TMEM108: variants seen among roughly 807,000 people sequenced by gnomAD.
The protein encoded by TMEM108 is transmembrane protein 108.
TMEM108 carries 12 observed loss-of-function variants against 35.1 expected under a neutral mutation model. That is an observed-to-expected ratio of 0.34 (90% CI 0.22 to 0.55). The LOEUF (loss-of-function observed/expected upper bound fraction) is 0.55. Among genes scored for constraint, TMEM108 ranks in the 20% least tolerant of loss-of-function variants. TMEM108 has a pLI of 0.89. For synonymous variants in TMEM108, 287 were observed against 308.6 expected (o/e 0.93, Z 0.73); for missense variants, 680 against 753.3 (o/e 0.90, Z 1.14).
intron 3 of TMEM108, among the ~76,000 whole-genome samples, chr3:133,360,631 A>G (rs1163629820): frequency 3.9e-5 from 6 of 152,274 alleles, no homozygotes; most frequent in Admixed American, 3.9e-4. Flanking sequence ...GAAGGTTCCC[A>G]CTCACCATGA....
At chr3:133,368,365 G>A (rs1389868660) in intron 3 of TMEM108, among the ~76,000 whole-genome samples, 2 of 152,220 alleles carry the variant, frequency 1.3e-5, no homozygotes, top group Non-Finnish European at 2.9e-5. Flanking sequence ...ACTTGTCTCT[G>A]TAAAATCCAA....
intron 2 of TMEM108, among the ~76,000 whole-genome samples, chr3:133,062,984 A>T: frequency 6.6e-6 from 1 of 152,208 alleles, no homozygotes; most frequent in East Asian, 1.9e-4. Flanking sequence ...AAATTGGCTA[A>T]GGAGGTGAAT....
At chr3:133,158,736 T>G (rs918047498) in intron 2 of TMEM108, among the ~76,000 whole-genome samples, 2 of 152,176 alleles carry the variant, frequency 1.3e-5, no homozygotes, top group Non-Finnish European at 2.9e-5. Flanking sequence ...CCAGCAGTAC[T>G]TGGAGAACTC....
chr3:133,389,256 C>T (rs2073197500), intron 4 of TMEM108: 1 of 985,456 alleles, frequency 1.0e-6, no homozygotes, highest in Admixed American at 6.1e-5. Flanking sequence ...CCTCCTGGGC[C>T]CTGGGAGTCT....
At chr3:133,208,942 T>C (rs184655398) in intron 2 of TMEM108, among the ~76,000 whole-genome samples, 2 of 152,322 alleles carry the variant, frequency 1.3e-5, no homozygotes, top group Admixed American at 6.5e-5. Flanking sequence ...TCTGGTACTT[T>C]TGCGTTCCAG....
chr3:133,309,900 C>T (rs2071100946), intron 3 of TMEM108, among the ~76,000 whole-genome samples: 1 of 151,846 alleles, frequency 6.6e-6, no homozygotes, highest in Non-Finnish European at 1.5e-5. Flanking sequence ...CGGGGTTTCA[C>T]CGTTTTAGCC....
At chr3:133,227,617 C>G (rs1304666845) in intron 2 of TMEM108, among the ~76,000 whole-genome samples, 1 of 151,642 alleles carries the variant, frequency 6.6e-6, no homozygotes, top group African/African-American at 2.4e-5. Context: ...TATGCTGAGG[C>G]CAGGCATGGT....
intron 3 of TMEM108, among the ~76,000 whole-genome samples, chr3:133,356,808 C>T (rs191736608): frequency 2.6e-5 from 4 of 152,098 alleles, no homozygotes; most frequent in African/African-American, 7.2e-5. Flanking sequence ...TCGCCTTATA[C>T]AAAAATCAAC....
At chr3:133,093,211 G>A (rs1203185420) in intron 2 of TMEM108, among the ~76,000 whole-genome samples, 4 of 152,070 alleles carry the variant, frequency 2.6e-5, no homozygotes, top group Admixed American at 1.3e-4. Flanking sequence ...GGCTGGTCTC[G>A]AACTCCTGAC....
At chr3:133,109,486 G>A (rs56299308) in intron 2 of TMEM108, among the ~76,000 whole-genome samples, 32,955 of 151,984 alleles carry the variant, frequency 0.22, 4,352 homozygotes, top group Non-Finnish European at 0.3. Flanking sequence ...AAAAAATTGA[G>A]GTACTGTGTA....
chr3:133,093,453 AAAGTCCAGAGG>A (rs199565270), intron 2 of TMEM108, among the ~76,000 whole-genome samples: 2,488 of 152,308 alleles, frequency 0.016, 82 homozygotes, highest in African/African-American at 0.057. Flanking sequence ...GTGCAAACAG[AAAGTCCAGAGG>A]AAGATTTGCT....
Position 133,177,656 on chromosome 3 carries a change from C to T in TMEM108, c.-46-51610C>T, listed in dbSNP as rs539368007. On this transcript the variant is annotated intron_variant, in intron 2 of 5. Coordinates refer to ENST00000321871, the MANE Select transcript of TMEM108 (RefSeq NM_023943.4). ...AACTCTCAATAAGGTATTGATGGGACGTATCTCAAAATAATAAGAGCTATC... is the reference window on the plus strand; with the variant it reads ...AACTCTCAATAAGGTATTGATGGGATGTATCTCAAAATAATAAGAGCTATC... 1.1e-4 allele frequency among the ~76,000 whole-genome samples: 16 copies of T among 152,188 alleles called. No individual in the cohort carries two copies. In the East Asian group the frequency reaches 2.7e-3, roughly 26 times the overall value.
chr3:133,124,157 G>A (rs1012282009), intron 2 of TMEM108, among the ~76,000 whole-genome samples: 3 of 152,138 alleles, frequency 2.0e-5, no homozygotes, highest in African/African-American at 7.2e-5. Flanking sequence ...GTATTCTTTA[G>A]AATTCACTGA....
chr3:133,295,398 C>T (rs1244775858), intron 3 of TMEM108, among the ~76,000 whole-genome samples: 1 of 152,184 alleles, frequency 6.6e-6, no homozygotes, highest in Non-Finnish European at 1.5e-5. Flanking sequence ...CATTAGGGAA[C>T]TCCTGGGCCC....
intron 2 of TMEM108, among the ~76,000 whole-genome samples, chr3:133,151,660 C>T (rs764398300): frequency 3.9e-5 from 6 of 151,996 alleles, no homozygotes; most frequent in Non-Finnish European, 5.9e-5. Context: ...TTGTAACAAA[C>T]CAGGCTTAAT....
chr3:133,075,006 C>T (rs901936484), intron 2 of TMEM108, among the ~76,000 whole-genome samples: 1 of 152,162 alleles, frequency 6.6e-6, no homozygotes, highest in Non-Finnish European at 1.5e-5. Context: ...CAAATCTTAT[C>T]TCTCTTTTTT....
rs145954165 is a variant in TMEM108 at position 133,380,787 on chromosome 3, C to G, written c.1076C>G (p.Pro359Arg). The change falls in exon 4 of 6, where the codon CCC (proline) becomes CGC (arginine). Residue 359 changes from proline to arginine, a missense_variant. Pro to Arg is a moderately radical substitution (Grantham distance 103). Transcript: ENST00000321871. The surrounding 1 kb of genome is among the most constrained non-coding windows in gnomAD (Gnocchi z 5.3). ...GGGGTCTTCACGGCTGCCACGGGGCCCACCCCAGCTGCCTTCGATACCAGT... is the reference window on the plus strand; with the variant it reads ...GGGGTCTTCACGGCTGCCACGGGGCGCACCCCAGCTGCCTTCGATACCAGT... Reference protein sequence around the residue: ...SSGVFTAATGPTPAAFDTSVS... With the variant: ...SSGVFTAATGRTPAAFDTSVS... 22 of 1,614,148 alleles carry G rather than the reference C, an allele frequency of 1.4e-5. No homozygotes were observed. The highest frequency in any genetic ancestry group is 1.8e-5 in the Non-Finnish European group (21 of 1,180,018).
At chr3:133,240,723 C>G (rs1393784778) in intron 3 of TMEM108, among the ~76,000 whole-genome samples, 1 of 152,176 alleles carries the variant, frequency 6.6e-6, no homozygotes, top group Non-Finnish European at 1.5e-5. Flanking sequence ...TCCCAGAGCT[C>G]CCTCATTGTC....
At chr3:133,196,008 T>TC (rs1257129076) in intron 2 of TMEM108, among the ~76,000 whole-genome samples, 1 of 152,230 alleles carries the variant, frequency 6.6e-6, no homozygotes, top group Non-Finnish European at 1.5e-5. Flanking sequence ...TGACAGTTCT[T>TC]TCATTTGGAA....
Sources: allele counts gnomAD v4.1 joint callset (sites outside exome capture counted in the v4.1 genomes callset), GRCh38; gene constraint gnomAD v4.1.1; non-coding constraint Gnocchi (gnomAD v3.1); transcripts MANE v1.5; gene names NCBI Gene and HGNC (gene_info 2026-07-23, HGNC 2026-07-21).